ZNF41: variants seen among roughly 807,000 people sequenced by gnomAD.
The protein encoded by ZNF41 is zinc finger protein 41.
ZNF41 carries 6 observed loss-of-function variants against 9.3 expected under a neutral mutation model. The ratio of observed to expected loss-of-function variants is 0.65; its 90% CI spans 0.35 to 1.28. The LOEUF is 1.28. Among genes scored for constraint, ZNF41 ranks in the 50% most tolerant of loss-of-function variants. ZNF41 has a pLI of 0.03. For missense variants in ZNF41, 523 were observed against 585.8 expected (o/e 0.89, Z 1.11); for synonymous variants, 192 against 207.1 (o/e 0.93, Z 0.63).
chrX:47,448,555 A>G lies in ZNF41; in HGVS notation c.1215T>C (p.His405=), dbSNP rs942073915. The change falls in exon 5 of 5, where the codon CAT becomes CAC. Residue 405 remains histidine (H), a synonymous_variant. Coordinates refer to ENST00000684689, the MANE Select transcript of ZNF41 (RefSeq NM_001324144.2). ...NSDLSIHQKT[H]TGEKHYECNE... ...TGCATTCATAGTGTTTCTCTCCGGT[A>G]TGAGTTTTCTGATGTATACTGAGGT... 3 of 1,209,958 alleles carry G rather than the reference A, an allele frequency of 2.5e-6. No individual in the cohort carries two copies. The highest frequency in any genetic ancestry group is 3.5e-5 in the African/African-American group (2 of 57,134).
At chrX:47,477,891 T>G (rs2057376899) in intron 1 of ZNF41, among the ~76,000 whole-genome samples, 1 of 112,655 alleles carries the variant, frequency 8.9e-6, no homozygotes, top group Non-Finnish European at 1.9e-5. Flanking sequence ...CAAAAACTTG[T>G]ACGCAAATGC....
rs976381062 is a variant in ZNF41, at chrX:47,446,520, T to A, written c.*910A>T. 2 of 109,683 alleles carry A rather than the reference T, an allele frequency of 1.8e-5. No individual in the cohort carries two copies. The highest frequency in any genetic ancestry group is 6.6e-5 in the African/African-American group (2 of 30,186). 9.0% of individuals were successfully genotyped at this position (109,683 alleles called of 1,213,427 possible). Reference sequence around the variant, plus strand: ...GGTGGGTTAGCCTGAAAATCTAGAGTGCCGTGGATCAGTTCCATTGTCGTA... The same window carrying A: ...GGTGGGTTAGCCTGAAAATCTAGAGAGCCGTGGATCAGTTCCATTGTCGTA... On this transcript the variant is annotated 3_prime_UTR_variant, in exon 5 of 5. Transcript: ENST00000684689.
rs372112867 is a variant in ZNF41 at position 47,482,600 on chromosome X, T to TGCGTGCGCGC, written c.-280+494_-280+495insGCGCGCACGC. The TGCGTGCGCGC allele has an allele frequency of 0.31, 34,720 of 111,160 alleles. 3,998 individuals are homozygous for TGCGTGCGCGC. Among genetic ancestry groups the TGCGTGCGCGC allele is most frequent in the Middle Eastern group, 0.49 (104 of 212 alleles). The allele number at this position is 111,160 out of a possible 1,213,427, so 9.2% of individuals were successfully genotyped here. A position where few individuals can be genotyped will look rare whatever the true frequency, so the allele number is the denominator to read the frequency against. ...GGTGCCCTTACACCGCGCCGGTGCG[T>TGCGTGCGCGC]GCGTGCGCGTGCGCGTGTGCGTCGA... is the stretch of plus-strand genomic sequence containing the variant. On this transcript the variant is annotated intron_variant, in intron 1 of 4. Coordinates refer to ENST00000684689, the MANE Select transcript of ZNF41 (RefSeq NM_001324144.2).
Position 47,448,664 on chromosome X carries a change from T to A in ZNF41, c.1106A>T (p.Asp369Val). Residue 369 changes from aspartate (D) to valine (V), a missense_variant, in exon 5 of 5, where the codon GAC becomes GTC. Coordinates refer to ENST00000684689, the MANE Select transcript of ZNF41 (RefSeq NM_001324144.2). The part of the protein sequence containing the change: ...ECGKAFFQRS[D>V]LFRHLRIHTG... ...ATGAATTCTCAGATGTCTAAAGAGG[T>A]CTGATCTCTGGAAAAAGGCTTTTCC... 1 of 1,211,735 alleles carries A rather than the reference T, an allele frequency of 8.3e-7. No individual in the cohort carries two copies. The highest frequency in any genetic ancestry group is 1.1e-6 in the Non-Finnish European group (1 of 895,548).
chrX:47,448,206 G>A lies in ZNF41; in HGVS notation c.1564C>T (p.Pro522Ser). 1 of 1,211,659 alleles carries A rather than the reference G, an allele frequency of 8.3e-7. No homozygotes were observed. Among genetic ancestry groups the A allele is most frequent in the Non-Finnish European group, 1.1e-6 (1 of 895,520 alleles). Residue 522 changes from proline to serine, a missense_variant, in exon 5 of 5, where the codon CCC becomes TCC. Transcript: ENST00000684689. ...TTTCCACATTCAGCACACATATAGGGTTTTTCCCCAGTATGAGTTTTCTGA... is the reference window on the plus strand; with the variant it reads ...TTTCCACATTCAGCACACATATAGGATTTTTCCCCAGTATGAGTTTTCTGA... ...THQKTHTGEK[P>S]YMCAECGKAF...
At chrX:47,473,013 G>A (rs1316174684) in intron 1 of ZNF41, among the ~76,000 whole-genome samples, 2 of 109,637 alleles carry the variant, frequency 1.8e-5, no homozygotes, top group Non-Finnish European at 3.8e-5. Context: ...AAGCCACTGC[G>A]CCTGGCCTAC....
chrX:47,474,373 G>T lies in ZNF41; in HGVS notation c.-279-6613C>A, dbSNP rs1002074901. On this transcript the variant is annotated intron_variant, in intron 1 of 4. Transcript: ENST00000684689. ...TCCCAGCTACTCAGGACGCTGAGGCGGGACAACCACTTGAACCCAGGAGGA... is the reference window on the plus strand; with the variant it reads ...TCCCAGCTACTCAGGACGCTGAGGCTGGACAACCACTTGAACCCAGGAGGA... 2.7e-5 allele frequency among the ~76,000 whole-genome samples: 3 copies of T among 110,553 alleles called. No homozygotes were observed. The Admixed American group carries it at 2.9e-4, about 11-fold the overall frequency.
chrX:47,447,375 C>T lies in ZNF41; in HGVS notation c.*55G>A. 2 of 1,197,110 alleles carry T rather than the reference C, an allele frequency of 1.7e-6. No homozygotes were observed. The highest frequency in any genetic ancestry group is 3.0e-5 in the East Asian group (1 of 33,817). The stretch of plus-strand genomic sequence containing the variant: ...ATTGCAGCAACAGGCCTTCCTCCTC[C>T]CTGCTATTAGATACCTGATGCATAC... On this transcript the variant is annotated 3_prime_UTR_variant, in exon 5 of 5. Coordinates refer to ENST00000684689, the MANE Select transcript of ZNF41 (RefSeq NM_001324144.2).
chrX:47,451,446 T>C (rs1442611008), intron 4 of ZNF41, among the ~76,000 whole-genome samples: 1 of 112,344 alleles, frequency 8.9e-6, no homozygotes, highest in African/African-American at 3.2e-5. Flanking sequence ...TTACACATCG[T>C]ATGCTGTATC....
chrX:47,481,670 C>A (rs940581505), intron 1 of ZNF41, among the ~76,000 whole-genome samples: 1 of 111,625 alleles, frequency 9.0e-6, no homozygotes, highest in Non-Finnish European at 1.9e-5. Context: ...AACCGAACAG[C>A]AGCAACCACA....
intron 1 of ZNF41, among the ~76,000 whole-genome samples, chrX:47,475,073 G>A (rs182153056): frequency 3.9e-5 from 4 of 103,814 alleles, no homozygotes; most frequent in East Asian, 3.0e-4. Flanking sequence ...CCAGCTACTC[G>A]GGAGGTTGAA....
intron 2 of ZNF41, among the ~76,000 whole-genome samples, chrX:47,462,739 A>G (rs1417314049): frequency 9.3e-6 from 1 of 107,522 alleles, no homozygotes; most frequent in Non-Finnish European, 1.9e-5. Flanking sequence ...CTTTCTTTCC[A>G]TTCTTTCCTT....
chrX:47,452,289 C>T (rs1408467059), intron 4 of ZNF41, among the ~76,000 whole-genome samples: 1 of 111,212 alleles, frequency 9.0e-6, no homozygotes, highest in Non-Finnish European at 1.9e-5. Flanking sequence ...GCTTCCCAAG[C>T]ACCTAGTTCC....
chrX:47,454,973 C>T (rs1015728654), intron 4 of ZNF41, among the ~76,000 whole-genome samples: 1 of 111,296 alleles, frequency 9.0e-6, no homozygotes, highest in Non-Finnish European at 1.9e-5. Context: ...TGGCCAGGCG[C>T]GGTGGCTCAT....
At chrX:47,471,528 G>A (rs984546383) in intron 1 of ZNF41, among the ~76,000 whole-genome samples, 11 of 110,631 alleles carry the variant, frequency 9.9e-5, no homozygotes, top group African/African-American at 3.6e-4. Flanking sequence ...ATATGTGGGG[G>A]CCATTCCTGA....
chrX:47,468,509 G>A (rs73494340), intron 1 of ZNF41, among the ~76,000 whole-genome samples: 194 of 111,182 alleles, frequency 1.7e-3, no homozygotes, highest in African/African-American at 6.1e-3. Flanking sequence ...AGCCCACACC[G>A]TTGACAAAAA....
chrX:47,454,640 A>C (rs6520268), intron 4 of ZNF41, among the ~76,000 whole-genome samples: 43,722 of 110,128 alleles, frequency 0.4, 6,854 homozygotes, highest in African/African-American at 0.57. Flanking sequence ...GGACACAATG[A>C]TCAGCCTCCA....
chrX:47,483,049 C>G (rs1452172224), intron 1 of ZNF41, 46 bp downstream of exon 1: 2 of 112,543 alleles, frequency 1.8e-5, no homozygotes, highest in Non-Finnish European at 3.8e-5. Flanking sequence ...GGCGACCCCT[C>G]TCCCGCGGCG....
Position 47,447,461 on chromosome X carries a change from C to T in ZNF41, c.2309G>A (p.Ser770Asn). Reference sequence around the variant, plus strand: ...ACTGGCTTTATAGCGTTTTTCTCCACTATGCATTTTCTGGTGTTTAATGAG... The same window carrying T: ...ACTGGCTTTATAGCGTTTTTCTCCATTATGCATTTTCTGGTGTTTAATGAG... ...SNLIKHQKMH[S>N]GEKRYKASD Residue 770 changes from serine (S) to asparagine (N), a missense_variant, in exon 5 of 5, where the codon AGT becomes AAT. By Grantham distance (46) the Ser-to-Asn change is conservative. Transcript: ENST00000684689. 8.3e-7 allele frequency: 1 copy of T among 1,211,495 alleles called. No individual in the cohort carries two copies. The highest frequency in any genetic ancestry group is 1.8e-5 in the South Asian group (1 of 57,003).
Sources: allele counts gnomAD v4.1 joint callset (sites outside exome capture counted in the v4.1 genomes callset), GRCh38; gene constraint gnomAD v4.1.1; transcripts MANE v1.5; gene names NCBI Gene and HGNC (gene_info 2026-07-23, HGNC 2026-07-21).